The following TSHZ2 variants were observed in gnomAD, a reference collection of about 807,000 sequenced individuals.
TSHZ2 encodes teashirt zinc finger homeobox 2.
A neutral mutation model predicts 74.4 loss-of-function variants in TSHZ2; 21 were observed. That is an observed-to-expected ratio of 0.28 (90% CI 0.20 to 0.41). TSHZ2 has a LOEUF of 0.41. Ranked by LOEUF, TSHZ2 falls within the 10% of genes least tolerant of loss-of-function variation. TSHZ2 has a pLI of 1.00. For missense variants in TSHZ2, 1,244 were observed against 1,293.5 expected (o/e 0.96, Z 0.59); for synonymous variants, 540 against 515.3 (o/e 1.05, Z -0.65).
intron 1 of TSHZ2, among the ~76,000 whole-genome samples, chr20:53,210,620 A>G (rs1327106945): frequency 6.6e-6 from 1 of 151,702 alleles, no homozygotes; most frequent in East Asian, 1.9e-4. Flanking sequence ...TGGGGTTTAT[A>G]CGACTACAGG....
chr20:53,063,876 C>G (rs1485170680), intron 1 of TSHZ2, among the ~76,000 whole-genome samples: 1 of 151,960 alleles, frequency 6.6e-6, no homozygotes, highest in Non-Finnish European at 1.5e-5. Context: ...GCAAACAGCA[C>G]ATATATTGAA....
rs1600769593 is a variant in TSHZ2 at position 53,253,891 on chromosome 20, T to C, written c.433T>C (p.Phe145Leu). The change falls in exon 2 of 3, where the codon TTC becomes CTC. Residue 145 changes from phenylalanine (F) to leucine (L), a missense_variant. Around this residue, in one of 6 missense-constraint regions of TSHZ2, gnomAD observed 470 missense variants for 456.5 expected, o/e 1.03. Transcript: ENST00000371497. Reference protein sequence around the residue: ...DSYWSGLGLGFKLSNSERRNC... With the variant: ...DSYWSGLGLGLKLSNSERRNC... ...CTACTGGTCAGGCCTGGGCCTTGGC[T>C]TCAAGCTGTCCAATAGTGAGAGGAG... The C allele has an allele frequency of 6.2e-7, 1 of 1,614,198 alleles. No homozygotes were observed. Among genetic ancestry groups the C allele is most frequent in the Non-Finnish European group, 8.5e-7 (1 of 1,180,030 alleles).
At chr20:52,990,869 T>G (rs1427035823) in intron 1 of TSHZ2, among the ~76,000 whole-genome samples, 1 of 152,204 alleles carries the variant, frequency 6.6e-6, no homozygotes, top group Non-Finnish European at 1.5e-5. Flanking sequence ...CAGGGATGTG[T>G]GTGTGTGTGT....
intron 2 of TSHZ2, among the ~76,000 whole-genome samples, chr20:53,419,685 G>A (rs1019505853): frequency 6.6e-6 from 1 of 152,232 alleles, no homozygotes; most frequent in Non-Finnish European, 1.5e-5. Flanking sequence ...ATAACAAATA[G>A]TCTTCATTGC....
intron 2 of TSHZ2, among the ~76,000 whole-genome samples, chr20:53,292,058 A>G (rs1456404896): frequency 1.3e-5 from 2 of 152,174 alleles, no homozygotes. Context: ...GCCCATGGGA[A>G]AAGGACATCT....
chr20:53,358,516 GT>G (rs901406582), intron 2 of TSHZ2, among the ~76,000 whole-genome samples: 1 of 150,546 alleles, frequency 6.6e-6, no homozygotes, highest in Non-Finnish European at 1.5e-5. Context: ...ACTTTTTTTT[GT>G]TTTTTTTAGT....
At chr20:53,141,527 A>G (rs1987401506) in intron 1 of TSHZ2, among the ~76,000 whole-genome samples, 1 of 152,172 alleles carries the variant, frequency 6.6e-6, no homozygotes, top group Admixed American at 6.5e-5. Flanking sequence ...TACTTCATAA[A>G]TCTTCCCAGA....
At chr20:53,049,312 T>A (rs1260482507) in intron 1 of TSHZ2, among the ~76,000 whole-genome samples, 1 of 151,926 alleles carries the variant, frequency 6.6e-6, no homozygotes, top group Non-Finnish European at 1.5e-5. Flanking sequence ...TGCAACATGT[T>A]CTGACTGGGC....
intron 2 of TSHZ2, among the ~76,000 whole-genome samples, chr20:53,485,759 C>T (rs1193640829): frequency 1.3e-5 from 2 of 151,186 alleles, no homozygotes; most frequent in African/African-American, 2.4e-5. Flanking sequence ...TACAGCAGAA[C>T]GTGAATGAGA....
chr20:53,075,666 T>C (rs1283460143), intron 1 of TSHZ2, among the ~76,000 whole-genome samples: 1 of 152,086 alleles, frequency 6.6e-6, no homozygotes, highest in Non-Finnish European at 1.5e-5. Flanking sequence ...CGTGATAAGA[T>C]ATGAGAATGA....
chr20:53,043,947 T>G (rs1984136034), intron 1 of TSHZ2, among the ~76,000 whole-genome samples: 1 of 152,192 alleles, frequency 6.6e-6, no homozygotes, highest in South Asian at 2.1e-4. Context: ...GAGCTATATT[T>G]TCAGTTCTTT....
At chr20:53,001,702 T>C (rs547013625) in intron 1 of TSHZ2, among the ~76,000 whole-genome samples, 58 of 152,216 alleles carry the variant, frequency 3.8e-4, no homozygotes, top group Admixed American at 1.7e-3. Context: ...CTGTTTCATT[T>C]TGAAAGAAAA....
intron 1 of TSHZ2, among the ~76,000 whole-genome samples, chr20:53,240,734 G>A (rs1356184244): frequency 1.3e-5 from 2 of 150,044 alleles, no homozygotes; most frequent in East Asian, 4.3e-4. Context: ...TAGATAGATA[G>A]ATAGATAGAT....
intron 2 of TSHZ2, among the ~76,000 whole-genome samples, chr20:53,265,901 T>C (rs1357496335): frequency 2.0e-5 from 3 of 152,194 alleles, no homozygotes; most frequent in Non-Finnish European, 2.9e-5. Context: ...CCTCCTTTCT[T>C]CCCTCCCTTC....
chr20:53,272,208 C>T (rs553958412), intron 2 of TSHZ2, among the ~76,000 whole-genome samples: 7 of 152,110 alleles, frequency 4.6e-5, no homozygotes, highest in Non-Finnish European at 5.9e-5. Flanking sequence ...GATAAGGTTT[C>T]ACCATGTTAG....
intron 1 of TSHZ2, among the ~76,000 whole-genome samples, chr20:53,133,216 T>C (rs1168609423): frequency 6.6e-6 from 1 of 152,222 alleles, no homozygotes; most frequent in African/African-American, 2.4e-5. Context: ...ACTGCCATGG[T>C]TGGCTTCTAC....
At chr20:53,413,570 T>G (rs1434292187) in intron 2 of TSHZ2, among the ~76,000 whole-genome samples, 1 of 152,214 alleles carries the variant, frequency 6.6e-6, no homozygotes, top group Non-Finnish European at 1.5e-5. Context: ...ATCTATTTCA[T>G]ATGGTGGGTA....
At chr20:53,418,900 G>C (rs1015229955) in intron 2 of TSHZ2, among the ~76,000 whole-genome samples, 1 of 152,100 alleles carries the variant, frequency 6.6e-6, no homozygotes, top group Non-Finnish European at 1.5e-5. Flanking sequence ...GTGTTTGGGT[G>C]GGGGAGACCC....
At chr20:53,285,243 G>A (rs1342168408) in intron 2 of TSHZ2, among the ~76,000 whole-genome samples, 3 of 152,222 alleles carry the variant, frequency 2.0e-5, no homozygotes, top group Non-Finnish European at 2.9e-5. Flanking sequence ...AAGGATAAAC[G>A]TGAATGCGGG....
Sources: allele counts gnomAD v4.1 joint callset (sites outside exome capture counted in the v4.1 genomes callset), GRCh38; gene constraint gnomAD v4.1.1; regional missense constraint gnomAD v4.1.1; transcripts MANE v1.5; gene names NCBI Gene and HGNC (gene_info 2026-07-23, HGNC 2026-07-21).